DIP2C: variants seen among roughly 807,000 people sequenced by gnomAD.
The protein encoded by DIP2C is DIP2 acetate--CoA ligase C (putative), also known as disco-interacting protein 2 homolog C.
DIP2C carries 33 observed loss-of-function variants against 192.4 expected under a neutral mutation model. The observed-to-expected ratio is 0.17, with a 90% CI of 0.13 to 0.23. The LOEUF is 0.23. Ranked by LOEUF, DIP2C falls within the 10% of genes least tolerant of loss-of-function variation. The pLI is 1.00. For synonymous variants in DIP2C, 979 were observed against 864.1 expected (o/e 1.13, Z -2.33); for missense variants, 1,537 against 2,110.1 (o/e 0.73, Z 5.32).
chr10:578,476 G>C (rs1220283351), intron 1 of DIP2C, among the ~76,000 whole-genome samples: 1 of 152,098 alleles, frequency 6.6e-6, no homozygotes, highest in East Asian at 1.9e-4. Context: ...CTCTCATCTG[G>C]GGATGAAACA....
intron 4 of DIP2C, among the ~76,000 whole-genome samples, chr10:433,888 C>T (rs1206722491): frequency 2.6e-5 from 4 of 151,324 alleles, no homozygotes; most frequent in Non-Finnish European, 5.9e-5. Flanking sequence ...CTATCTGTTG[C>T]CCTTTTGTCT....
At chr10:522,800 T>A (rs1378934106) in intron 1 of DIP2C, among the ~76,000 whole-genome samples, 1 of 152,250 alleles carries the variant, frequency 6.6e-6, no homozygotes, top group Non-Finnish European at 1.5e-5. Flanking sequence ...GAGCCTTTTG[T>A]AGATACGTTC....
At position 568,383 on chromosome 10, in the gene DIP2C, G is replaced by A. The variant is rs181953713; in HGVS notation, c.86-81853C>T. Among the ~76,000 whole-genome samples, 70 of 152,268 alleles carry A rather than the reference G, an allele frequency of 4.6e-4. No individual in the cohort carries two copies. The East Asian group carries it at 0.011, about 25-fold the overall frequency. On this transcript the variant is annotated intron_variant, in intron 1 of 36. Transcript: ENST00000280886. ...GAGACGCTGTTCAACAAGTTTCATA[G>A]ACCCAAATGAGAGCAAAAAGAAACG...
chr10:315,262 TTACATGTC>T (rs1341733212), intron 31 of DIP2C, among the ~76,000 whole-genome samples: 1 of 152,236 alleles, frequency 6.6e-6, no homozygotes, highest in African/African-American at 2.4e-5. Context: ...CTAAAAATAT[TTACATGTC>T]TACATATTGA....
intron 1 of DIP2C, among the ~76,000 whole-genome samples, chr10:552,754 CAGG>C (rs976095121): frequency 2.0e-5 from 3 of 152,194 alleles, no homozygotes; most frequent in African/African-American, 4.8e-5. Flanking sequence ...GAGGCTGAGG[CAGG>C]AGAACAGTGT....
At chr10:308,046 G>C (rs1378579670) in intron 32 of DIP2C, among the ~76,000 whole-genome samples, 1 of 149,512 alleles carries the variant, frequency 6.7e-6, no homozygotes, top group Non-Finnish European at 1.5e-5. Flanking sequence ...GAGGGTTCAG[G>C]GGTGCCTGGG....
At chr10:329,312 A>G in intron 30 of DIP2C, 121 bp downstream of exon 30, 2 of 1,077,660 alleles carry the variant, frequency 1.9e-6, no homozygotes, top group Non-Finnish European at 2.5e-6. Context: ...AGGTGACGTT[A>G]GATTAAACCC....
chr10:364,265 C>G (rs192660114), intron 20 of DIP2C, 109 bp downstream of exon 20: 1 of 1,295,010 alleles, frequency 7.7e-7, no homozygotes, highest in Admixed American at 2.3e-5. Flanking sequence ...GAAGAGGAAA[C>G]GGAGACACAA....
rs112652773 is a variant in DIP2C at position 417,954 on chromosome 10, C to T, written c.739+1111G>A. On this transcript the variant is annotated intron_variant, in intron 6 of 36. Coordinates refer to ENST00000280886, the MANE Select transcript of DIP2C (RefSeq NM_014974.3). ...TCAGGGCTTCGATAGGCCTCCCTGT[C>T]CACCTGCACCTGTCAGGGCTCGGAT... Among the ~76,000 whole-genome samples the T allele has an allele frequency of 2.6e-3, 240 of 90,670 alleles. 37 individuals are homozygous for T. Among genetic ancestry groups the T allele is most frequent in the African/African-American group, 8.8e-3 (168 of 19,102 alleles). The allele number at this position is 90,670 out of a possible 152,430, so 59.5% of individuals were successfully genotyped here. A position where few individuals can be genotyped will look rare whatever the true frequency, so the allele number is the denominator to read the frequency against.
Position 274,948 on chromosome 10 carries a change from T to C in DIP2C, c.*2377A>G, listed in dbSNP as rs1954435225. ...TATTGCTGAAACTGGTGGTACTAAG[T>C]GTCTCCTTTCCTTTCTCTTGCACAA... On this transcript the variant is annotated 3_prime_UTR_variant, in exon 37 of 37. Transcript: ENST00000280886. 2 of 152,228 alleles carry C rather than the reference T, an allele frequency of 1.3e-5. No individual in the cohort carries two copies. Among genetic ancestry groups the C allele is most frequent in the South Asian group, 4.1e-4 (2 of 4,822 alleles). 9.4% of individuals were successfully genotyped at this position (152,228 alleles called of 1,614,324 possible).
intron 1 of DIP2C, among the ~76,000 whole-genome samples, chr10:616,304 G>A (rs951325925): frequency 2.0e-5 from 3 of 152,198 alleles, no homozygotes; most frequent in Non-Finnish European, 4.4e-5. Context: ...AGACAAGCAT[G>A]AATGAAAACT....
chr10:599,339 C>T (rs1343012035), intron 1 of DIP2C, among the ~76,000 whole-genome samples: 1 of 152,202 alleles, frequency 6.6e-6, no homozygotes, highest in Non-Finnish European at 1.5e-5. Context: ...TGAGTTTCTC[C>T]TATTATCCAT....
Position 449,867 on chromosome 10 carries a change from C to T in DIP2C, c.269-8871G>A, listed in dbSNP as rs148252949. Among the ~76,000 whole-genome samples the T allele has an allele frequency of 8.9e-4, 131 of 146,574 alleles. 1 individual carries two copies. The highest frequency in any genetic ancestry group is 3.1e-3 in the African/African-American group (121 of 38,862). On this transcript the variant is annotated intron_variant, in intron 3 of 36. Coordinates refer to ENST00000280886, the MANE Select transcript of DIP2C (RefSeq NM_014974.3). ...AATAAACTATTAATAAAAACACATACACACACACAACTACAGTCATGTGCC... is the reference window on the plus strand; with the variant it reads ...AATAAACTATTAATAAAAACACATATACACACACAACTACAGTCATGTGCC...
chr10:369,772 T>C, intron 17 of DIP2C, 139 bp from the exon 18 acceptor site: 8 of 1,456,168 alleles, frequency 5.5e-6, no homozygotes, highest in South Asian at 1.2e-5. Context: ...TGGCTGCCCA[T>C]GTGGCTGCAT....
At chr10:376,717 C>T (rs1312829669) in intron 17 of DIP2C, among the ~76,000 whole-genome samples, 2 of 152,090 alleles carry the variant, frequency 1.3e-5, no homozygotes, top group African/African-American at 4.8e-5. Context: ...TGCTTTCTTT[C>T]CTCTCTGGGC....
rs1468657056 is a variant in DIP2C, at chr10:417,616, G to A, written c.739+1449C>T. On this transcript the variant is annotated intron_variant, in intron 6 of 36. Coordinates refer to ENST00000280886, the MANE Select transcript of DIP2C (RefSeq NM_014974.3). ...GGAGCTAGGATAGGCATCCCTGTCT[G>A]CCTGCGCCTGTCAGGGCTCGGATAG... Among the ~76,000 whole-genome samples the A allele has an allele frequency of 4.5e-3, 645 of 142,010 alleles. 3 individuals are homozygous for A. The highest frequency in any genetic ancestry group is 9.1e-3 in the African/African-American group (346 of 37,900). The allele number at this position is 142,010 out of a possible 152,430, so 93.2% of individuals were successfully genotyped here. A position where few individuals can be genotyped will look rare whatever the true frequency, so the allele number is the denominator to read the frequency against.
intron 1 of DIP2C, among the ~76,000 whole-genome samples, chr10:670,417 C>T (rs1361430146): frequency 1.3e-5 from 2 of 152,182 alleles, no homozygotes; most frequent in Non-Finnish European, 2.9e-5. Flanking sequence ...ATCTCAGGTA[C>T]GTGGATTCAA....
intron 10 of DIP2C, among the ~76,000 whole-genome samples, chr10:394,440 T>C (rs1481348886): frequency 2.0e-5 from 3 of 151,976 alleles, no homozygotes; most frequent in Non-Finnish European, 4.4e-5. Flanking sequence ...GTGGGTGCTA[T>C]TCAGCCTTCA....
At position 633,813 on chromosome 10, in the gene DIP2C, C is replaced by T. The variant is rs1588644445; in HGVS notation, c.85+55681G>A. ...CAGACGAGTTTTCCTGGGTTAGGTA[C>T]GCGGTGGGGTGACCCTACCCCATAG... On this transcript the variant is annotated intron_variant, in intron 1 of 36. Coordinates refer to ENST00000280886, the MANE Select transcript of DIP2C (RefSeq NM_014974.3). 3.3e-5 allele frequency among the ~76,000 whole-genome samples: 5 copies of T among 152,206 alleles called. No homozygotes were observed. The South Asian group carries it at 1.0e-3, about 31-fold the overall frequency.
Sources: allele counts gnomAD v4.1 joint callset (sites outside exome capture counted in the v4.1 genomes callset), GRCh38; gene constraint gnomAD v4.1.1; transcripts MANE v1.5; gene names NCBI Gene and HGNC (gene_info 2026-07-23, HGNC 2026-07-21).